DOCK6: variants seen among roughly 807,000 people sequenced by gnomAD.
DOCK6 encodes dedicator of cytokinesis protein 6.
DOCK6 carries 167 observed loss-of-function variants against 230.3 expected under a neutral mutation model. The ratio of observed to expected loss-of-function variants is 0.73; its 90% CI spans 0.64 to 0.82. The LOEUF is 0.82. Among genes scored for constraint, DOCK6 ranks in the 40% least tolerant of loss-of-function variants. The pLI is 0.00. For missense variants in DOCK6, 2,598 were observed against 2,825.8 expected (o/e 0.92, Z 1.83); for synonymous variants, 1,148 against 1,185.0 (o/e 0.97, Z 0.64).
intron 9 of DOCK6, among the ~76,000 whole-genome samples, 158 bp downstream of exon 9, chr19:11,245,405 C>T (rs2080016156): frequency 1.3e-5 from 2 of 152,160 alleles, no homozygotes; most frequent in African/African-American, 4.8e-5. Flanking sequence ...TGATTTCTCC[C>T]CACCTGAGTT....
chr19:11,217,196 G>A, intron 29 of DOCK6, 35 bp downstream of exon 29: 1 of 1,604,320 alleles, frequency 6.2e-7, no homozygotes, highest in Non-Finnish European at 8.5e-7. Flanking sequence ...CATTCAAAGT[G>A]GATGATGTCT....
Position 11,199,335 on chromosome 19 carries a change from C to A in DOCK6, c.*162G>T. 2 of 811,580 alleles carry A rather than the reference C, an allele frequency of 2.5e-6. No homozygotes were observed. Among genetic ancestry groups the A allele is most frequent in the South Asian group, 1.7e-5 (1 of 59,758 alleles). The allele number at this position is 811,580 out of a possible 1,614,324, so 50.3% of individuals were successfully genotyped here. On this transcript the variant is annotated 3_prime_UTR_variant, in exon 48 of 48. Coordinates refer to ENST00000294618, the MANE Select transcript of DOCK6 (RefSeq NM_020812.4). ...ATTTTAAATTAAAAAAGGGAGGAAGCATCAGTGCACACAGATGGGGACACA... is the reference window on the plus strand; with the variant it reads ...ATTTTAAATTAAAAAAGGGAGGAAGAATCAGTGCACACAGATGGGGACACA...
At chr19:11,246,383 G>A (rs1048357244) in intron 7 of DOCK6, among the ~76,000 whole-genome samples, 7 of 152,178 alleles carry the variant, frequency 4.6e-5, no homozygotes, top group African/African-American at 1.7e-4. Context: ...TGGGATAATA[G>A]GCATGAGCCA....
chr19:11,209,027 G>T lies in DOCK6; in HGVS notation c.4828C>A (p.Leu1610Met). The stretch of plus-strand genomic sequence containing the variant: ...TGGGCGGCCTCGGCGTGGTTGCCCA[G>T]CTCCGCGTGCTTCCCGGCCATGTTC... Reference protein sequence around the residue: ...LQNMAGKHAELGNHAEAAQCM... With the variant: ...LQNMAGKHAEMGNHAEAAQCM... Residue 1610 changes from leucine (L) to methionine (M), a missense_variant, in exon 38 of 48, where the codon CTG becomes ATG. Coordinates refer to ENST00000294618, the MANE Select transcript of DOCK6 (RefSeq NM_020812.4). The T allele has an allele frequency of 6.2e-7, 1 of 1,611,978 alleles. No individual in the cohort carries two copies.
At chr19:11,239,449 C>A (rs986479291) in intron 14 of DOCK6, among the ~76,000 whole-genome samples, 2 of 152,234 alleles carry the variant, frequency 1.3e-5, no homozygotes, top group African/African-American at 4.8e-5. Context: ...TGGCCCTGAG[C>A]CCCAGGAAGC....
chr19:11,209,201 C>G, intron 37 of DOCK6, 98 bp from the exon 38 acceptor site: 3 of 1,423,638 alleles, frequency 2.1e-6, no homozygotes, highest in Non-Finnish European at 2.9e-6. Context: ...ACCCCCATGT[C>G]CGCCCCAAGG....
In DOCK6 at chr19:11,245,846, A is replaced by G; in HGVS notation, c.839T>C (p.Ile280Thr). 1.9e-6 allele frequency: 3 copies of G among 1,570,384 alleles called. No homozygotes were observed. The highest frequency in any genetic ancestry group is 1.7e-4 in the Middle Eastern group (1 of 6,012). ...FEIEIEPIFG[I>T]LALYDVREKK... ...CTCCCGCACATCATACAGAGCCAAG[A>G]TCCCAAAGATGGGCTCAATTTCAAT... The change falls in exon 8 of 48, where the codon ATC becomes ACC. Residue 280 changes from isoleucine to threonine, a missense_variant. Coordinates refer to ENST00000294618, the MANE Select transcript of DOCK6 (RefSeq NM_020812.4).
In DOCK6 at chr19:11,214,560, A is replaced by ATC; in HGVS notation, c.4195_4196insGA (p.Ile1399ArgfsTer6). On this transcript the variant is annotated frameshift_variant, in exon 33 of 48. Transcript: ENST00000294618. LOFTEE classifies it high-confidence loss of function. Reference sequence around the variant, plus strand: ...TGCTGGATCAAGCCCTACCTGCACGATGATCTCCAGTGTGTCCAGAACCAC... The same window carrying ATC: ...TGCTGGATCAAGCCCTACCTGCACGATCTGATCTCCAGTGTGTCCAGAACCAC... 1.2e-6 allele frequency: 2 copies of ATC among 1,613,844 alleles called. No individual in the cohort carries two copies. Among genetic ancestry groups the ATC allele is most frequent in the Non-Finnish European group, 1.7e-6 (2 of 1,179,852 alleles).
At chr19:11,246,093 G>A (rs183023364) in intron 7 of DOCK6, among the ~76,000 whole-genome samples, 2 of 151,696 alleles carry the variant, frequency 1.3e-5, no homozygotes, top group Non-Finnish European at 1.5e-5. Context: ...TTGAGACAGA[G>A]TCTCGCTCTG....
At position 11,227,236 on chromosome 19, in the gene DOCK6, T is replaced by C; in HGVS notation, c.2955+101A>G. 4.0e-6 allele frequency: 6 copies of C among 1,490,790 alleles called. No individual in the cohort carries two copies. In the South Asian group the frequency reaches 7.6e-5, roughly 19 times the overall value. 92.3% of individuals were successfully genotyped at this position (1,490,790 alleles called of 1,614,324 possible). ...TCCACCCAGCAAAGTGGATTCCTGG[T>C]CTTACGGCCAGGAGACACTGGGCAG... On this transcript the variant is annotated intron_variant, in intron 24 of 47. Coordinates refer to ENST00000294618, the MANE Select transcript of DOCK6 (RefSeq NM_020812.4).
Position 11,243,381 on chromosome 19 carries a change from G to C in DOCK6, c.1263C>G (p.Arg421=). Residue 421 remains arginine (R), a synonymous_variant, in exon 12 of 48, where the codon CGC becomes CGG. Transcript: ENST00000294618. This position sits in a 1 kb window ranked among gnomAD's most constrained non-coding sequence, Gnocchi z 6.3. ...GGCGGCGGTCTGTCCAGGCTGGCCG[G>C]CGCTCTAGGGGAGGGAATGACAATG... ...LDRDSDSEGE[R]RPAWTDRRRR... 6.2e-7 allele frequency: 1 copy of C among 1,601,892 alleles called. No individual in the cohort carries two copies.
intron 22 of DOCK6, among the ~76,000 whole-genome samples, chr19:11,230,030 C>T (rs967866802): frequency 8.9e-5 from 9 of 101,052 alleles, no homozygotes; most frequent in African/African-American, 3.7e-4. Flanking sequence ...GGTGACAGAG[C>T]AAGACTCCAT....
At chr19:11,235,047 ATTC>A (rs576567854) in intron 21 of DOCK6, among the ~76,000 whole-genome samples, 132 of 151,564 alleles carry the variant, frequency 8.7e-4, no homozygotes, top group African/African-American at 3.1e-3. Context: ...GGTTCAAGTG[ATTC>A]TTCTGCCTCA....
At position 11,217,377 on chromosome 19, in the gene DOCK6, G is replaced by A. The variant is rs778637528; in HGVS notation, c.3565C>T (p.Arg1189Trp). 3.6e-5 allele frequency: 58 copies of A among 1,612,810 alleles called. No individual in the cohort carries two copies. The highest frequency in any genetic ancestry group is 2.5e-4 in the African/African-American group (19 of 74,916). Reference protein sequence around the residue: ...LHDFAEGPGQRSRLASMLDSD... With the variant: ...LHDFAEGPGQWSRLASMLDSD... ...TCAAGCATTGAGGCCAGTCTTGACCGCTGACCTGGGCCCTCTGGCAGGGAA... is the reference window on the plus strand; with the variant it reads ...TCAAGCATTGAGGCCAGTCTTGACCACTGACCTGGGCCCTCTGGCAGGGAA... The change falls in exon 29 of 48, where the codon CGG (arginine) becomes TGG (tryptophan). Residue 1189 changes from arginine to tryptophan, a missense_variant. Coordinates refer to ENST00000294618, the MANE Select transcript of DOCK6 (RefSeq NM_020812.4).
chr19:11,220,104 C>T (rs2079557385), intron 28 of DOCK6, among the ~76,000 whole-genome samples: 1 of 151,988 alleles, frequency 6.6e-6, no homozygotes. Context: ...CCGGTGCCCA[C>T]CACCACGTCG....
At chr19:11,211,672 C>T (rs1362476609) in intron 37 of DOCK6, 104 bp downstream of exon 37, 23 of 916,178 alleles carry the variant, frequency 2.5e-5, no homozygotes, top group Middle Eastern at 5.8e-4. Flanking sequence ...ACTGTATGCT[C>T]CCCTGCTCCC....
chr19:11,215,443 A>G lies in DOCK6; in HGVS notation c.4050T>C (p.Asn1350=), dbSNP rs2304155. Residue 1350 remains asparagine (N), a synonymous_variant, in exon 32 of 48, where the codon AAT becomes AAC. Transcript: ENST00000294618. The stretch of plus-strand genomic sequence containing the variant: ...GTGTGACGCTCTTCCGCCAGCGCAC[A>G]TTCTCCGGATTCCCAAACGGGCTCC... ...RERSPFGNPE[N]VRWRKSVTHW... 948,520 of 1,610,706 alleles carry G rather than the reference A, an allele frequency of 0.59. 281,775 individuals are homozygous for G. The highest frequency in any genetic ancestry group is 0.62 in the Middle Eastern group (3,765 of 6,050).
At chr19:11,207,245 G>A (rs2079277946) in intron 39 of DOCK6, among the ~76,000 whole-genome samples, 1 of 152,252 alleles carries the variant, frequency 6.6e-6, no homozygotes, top group African/African-American at 2.4e-5. Context: ...ATAGGTTGGA[G>A]TACAGTGGCA....
intron 24 of DOCK6, among the ~76,000 whole-genome samples, chr19:11,225,929 G>A (rs1048323727): frequency 1.9e-4 from 29 of 150,702 alleles, no homozygotes; most frequent in African/African-American, 6.6e-4. Flanking sequence ...TCTGGTCACA[G>A]CTACTTGGGA....
Sources: allele counts gnomAD v4.1 joint callset (sites outside exome capture counted in the v4.1 genomes callset), GRCh38; gene constraint gnomAD v4.1.1; non-coding constraint Gnocchi (gnomAD v3.1); transcripts MANE v1.5; gene names NCBI Gene and HGNC (gene_info 2026-07-23, HGNC 2026-07-21).